LARP1B: variants seen among roughly 807,000 people sequenced by gnomAD.
The protein encoded by LARP1B is la-related protein 1B.
A neutral mutation model predicts 114.2 loss-of-function variants in LARP1B; 76 were observed. That is an observed-to-expected ratio of 0.67 (90% CI 0.55 to 0.81). The LOEUF (loss-of-function observed/expected upper bound fraction) is 0.81, where lower values mean the gene tolerates loss of function less well. LARP1B is among the 30% of genes least tolerant of loss of function. The probability of loss-of-function intolerance (pLI) is 0.00; values close to 1 mark genes in which losing one functional copy is unlikely to be tolerated. For missense variants in LARP1B, 1,014 were observed against 1,075.8 expected, an observed-to-expected ratio of 0.94 and a Z score of 0.80; for synonymous variants, 345 against 348.0, an observed-to-expected ratio of 0.99 and a Z score of 0.10.
At chr4:128,062,233 C>G (rs538144667) in intron 1 of LARP1B, 1 of 985,336 alleles carries the variant, frequency 1.0e-6, no homozygotes, top group Non-Finnish European at 1.2e-6. Context: ...TGTGGTTGCT[C>G]TGCGTTGGGC....
intron 15 of LARP1B, among the ~76,000 whole-genome samples, chr4:128,187,090 C>A (rs1750630919): frequency 6.6e-6 from 1 of 152,224 alleles, no homozygotes. Context: ...TCATGGAGAA[C>A]CTCTACAAGG....
chr4:128,206,640 C>A, intron 18 of LARP1B, 103 bp downstream of exon 18: 1 of 1,453,206 alleles, frequency 6.9e-7, no homozygotes, highest in Non-Finnish European at 9.0e-7. Context: ...CAGGGCAAAC[C>A]ATTTAAGATC....
upstream of LARP1B, among the ~76,000 whole-genome samples, chr4:128,061,001 C>A (rs1759937293): frequency 6.6e-6 from 1 of 151,986 alleles, no homozygotes; most frequent in Non-Finnish European, 1.5e-5. Context: ...GCCGCCGTCG[C>A]CGCGGGGGCA....
In LARP1B at chr4:128,211,304, A is replaced by G. The variant is rs1758947667; in HGVS notation, c.*1251A>G. 1.0e-6 allele frequency: 1 copy of G among 971,080 alleles called. No individual in the cohort carries two copies. Among genetic ancestry groups the G allele is most frequent in the Non-Finnish European group, 1.2e-6 (1 of 816,956 alleles). 60.2% of individuals were successfully genotyped at this position (971,080 alleles called of 1,614,324 possible). On this transcript the variant is annotated 3_prime_UTR_variant, in exon 20 of 20. Coordinates refer to ENST00000326639, the MANE Select transcript of LARP1B (RefSeq NM_018078.4). ...TTACAGATATTTTGTTGTATTGGCA[A>G]AAGCAAGTGGTTTCCATATGCTAAA...
At chr4:128,081,077 C>CTT (rs4000703) in intron 4 of LARP1B, among the ~76,000 whole-genome samples, 2 of 127,982 alleles carry the variant, frequency 1.6e-5, no homozygotes, top group Admixed American at 8.2e-5. Flanking sequence ...TGTATATATA[C>CTT]TTTTTTTTTT....
rs1470315528 is a variant in LARP1B at position 128,179,353 on chromosome 4, G to C, written c.1897-53G>C. On this transcript the variant is annotated intron_variant, in intron 14 of 19. Transcript: ENST00000326639. ...ATAGTCAGAGGGTTTTAATTTACTT[G>C]TGAAGTTCACACTATTGAAACTAAT... is the stretch of plus-strand genomic sequence containing the variant. The C allele has an allele frequency of 3.6e-6, 4 of 1,102,256 alleles. No homozygotes were observed. In the Admixed American group the frequency reaches 6.8e-5, roughly 19 times the overall value. 68.3% of individuals were successfully genotyped at this position (1,102,256 alleles called of 1,614,324 possible). A position where few individuals can be genotyped will look rare whatever the true frequency, so the allele number is the denominator to read the frequency against.
chr4:128,077,773 A>C lies in LARP1B; in HGVS notation c.43-15A>C. 1 of 1,520,376 alleles carries C rather than the reference A, an allele frequency of 6.6e-7. No homozygotes were observed. The highest frequency in any genetic ancestry group is 8.8e-7 in the Non-Finnish European group (1 of 1,137,292). The allele number at this position is 1,520,376 out of a possible 1,614,324, so 94.2% of individuals were successfully genotyped here. A position where few individuals can be genotyped will look rare whatever the true frequency, so the allele number is the denominator to read the frequency against. On this transcript the variant is annotated splice_polypyrimidine_tract_variant and intron_variant, in intron 3 of 19. Coordinates refer to ENST00000326639, the MANE Select transcript of LARP1B (RefSeq NM_018078.4). ...TATTAATGGAAATCATTTCATTCTG[A>C]AAACCTTTTTGCAGTTTCAGAGCGT...
At chr4:128,190,111 C>A (rs1394720000) in intron 15 of LARP1B, among the ~76,000 whole-genome samples, 1 of 152,148 alleles carries the variant, frequency 6.6e-6, no homozygotes, top group Non-Finnish European at 1.5e-5. Context: ...AAAGATGGGT[C>A]TAGTAGTGAT....
chr4:128,087,677 A>G (rs1774182679), intron 5 of LARP1B, among the ~76,000 whole-genome samples: 1 of 152,164 alleles, frequency 6.6e-6, no homozygotes, highest in South Asian at 2.1e-4. Context: ...AATCTAGTCA[A>G]TAGTTAATTT....
intron 8 of LARP1B, among the ~76,000 whole-genome samples, chr4:128,103,269 T>C (rs1439114472): frequency 6.6e-6 from 1 of 152,204 alleles, no homozygotes; most frequent in East Asian, 1.9e-4. Flanking sequence ...ATGTTTCACT[T>C]TATGTGTTCT....
At position 128,206,494 on chromosome 4, in the gene LARP1B, T is replaced by C. The variant is rs1757630436; in HGVS notation, c.2376T>C (p.Ile792=). The part of the protein sequence containing the change: ...YGLEKKFRRE[I]FQDFQEETKK... ...TGGAAAAAAAATTCAGGCGAGAAATTTTTCAGGATTTCCAAGAAGAAACCA... is the reference window on the plus strand; with the variant it reads ...TGGAAAAAAAATTCAGGCGAGAAATCTTTCAGGATTTCCAAGAAGAAACCA... Residue 792 remains isoleucine (I), a synonymous_variant, in exon 18 of 20, where the codon ATT becomes ATC. Transcript: ENST00000326639. 4 of 1,613,340 alleles carry C rather than the reference T, an allele frequency of 2.5e-6. No homozygotes were observed. In the South Asian group the frequency reaches 4.4e-5, roughly 18 times the overall value.
At chr4:128,082,393 G>A (rs1469755360) in intron 5 of LARP1B, 88 bp downstream of exon 5, 2 of 1,210,348 alleles carry the variant, frequency 1.7e-6, no homozygotes, top group African/African-American at 3.0e-5. Context: ...TAAACCATTT[G>A]AGAATAAGTT....
intron 11 of LARP1B, among the ~76,000 whole-genome samples, chr4:128,139,504 A>G (rs746350372): frequency 6.6e-6 from 1 of 152,146 alleles, no homozygotes; most frequent in Non-Finnish European, 1.5e-5. Flanking sequence ...CCTGGGCAAT[A>G]TAGTGAGGCC....
At chr4:128,150,976 CACTT>C (rs1437659227) in intron 11 of LARP1B, among the ~76,000 whole-genome samples, 1 of 152,168 alleles carries the variant, frequency 6.6e-6, no homozygotes, top group African/African-American at 2.4e-5. Context: ...GCCATTTTCT[CACTT>C]AATGTTATGA....
Position 128,211,940 on chromosome 4 carries a change from C to A in LARP1B, c.*1887C>A. ...ATGTACATTGGGAAATTTAGAAAAG[C>A]ACAAAGAAGAAAATAAAGTACTTGT... is the stretch of plus-strand genomic sequence containing the variant. On this transcript the variant is annotated 3_prime_UTR_variant, in exon 20 of 20. Coordinates refer to ENST00000326639, the MANE Select transcript of LARP1B (RefSeq NM_018078.4). 1 of 254,954 alleles carries A rather than the reference C, an allele frequency of 3.9e-6. No individual in the cohort carries two copies. The highest frequency in any genetic ancestry group is 6.2e-6 in the Non-Finnish European group (1 of 162,422). 15.8% of individuals were successfully genotyped at this position (254,954 alleles called of 1,614,324 possible). A position where few individuals can be genotyped will look rare whatever the true frequency, so the allele number is the denominator to read the frequency against.
intron 11 of LARP1B, among the ~76,000 whole-genome samples, chr4:128,153,777 G>T (rs1394331739): frequency 6.6e-6 from 1 of 151,878 alleles, no homozygotes; most frequent in African/African-American, 2.4e-5. Flanking sequence ...CTATATTACC[G>T]GTAGCCTACT....
At chr4:128,060,854 A>C (rs923699003), upstream of LARP1B, among the ~76,000 whole-genome samples, 1 of 151,786 alleles carries the variant, frequency 6.6e-6, no homozygotes, top group African/African-American at 2.4e-5. Flanking sequence ...AGCCCACTTC[A>C]CTTGGGAGCT....
chr4:128,091,325 C>G (rs762573288), intron 6 of LARP1B, 22 bp from the exon 7 acceptor site: 2 of 1,590,984 alleles, frequency 1.3e-6, no homozygotes, highest in Non-Finnish European at 8.6e-7. Context: ...GATTACCTTT[C>G]TTTTTCTTTA....
At chr4:128,201,172 A>G (rs1175289609) in intron 17 of LARP1B, among the ~76,000 whole-genome samples, 1 of 152,198 alleles carries the variant, frequency 6.6e-6, no homozygotes, top group Non-Finnish European at 1.5e-5. Context: ...AAGCCTCAGT[A>G]TTTTATACAA....
Sources: allele counts gnomAD v4.1 joint callset (sites outside exome capture counted in the v4.1 genomes callset), GRCh38; gene constraint gnomAD v4.1.1; transcripts MANE v1.5; gene names NCBI Gene and HGNC (gene_info 2026-07-23, HGNC 2026-07-21).